Variants in ZMAT4 observed in about 807,000 individuals in gnomAD.
The protein encoded by ZMAT4 is zinc finger matrin-type protein 4.
Under a neutral mutation model 28.7 loss-of-function variants are expected in ZMAT4, and 17 were observed. The observed-to-expected ratio is 0.59, with a 90% CI of 0.41 to 0.89. The LOEUF (loss-of-function observed/expected upper bound fraction) is 0.89. Ranked by LOEUF, ZMAT4 falls within the 40% of genes least tolerant of loss-of-function variation. ZMAT4 has a pLI of 0.00. For synonymous variants in ZMAT4, 117 were observed against 109.2 expected, an observed-to-expected ratio of 1.07 and a Z score of -0.44; for missense variants, 240 against 283.8, an observed-to-expected ratio of 0.85 and a Z score of 1.11.
chr8:40,725,022 T>G (rs1248619251), intron 3 of ZMAT4, among the ~76,000 whole-genome samples: 1 of 152,210 alleles, frequency 6.6e-6, no homozygotes, highest in Non-Finnish European at 1.5e-5. Context: ...AAATTATGAC[T>G]CCTTTTCCAT....
At chr8:40,674,330 G>C (rs1227556282) in intron 5 of ZMAT4, 1 of 182,454 alleles carries the variant, frequency 5.5e-6, no homozygotes, top group African/African-American at 2.4e-5. Flanking sequence ...CTGACCTCAG[G>C]CAATCTGCCC....
intron 4 of ZMAT4, among the ~76,000 whole-genome samples, chr8:40,685,642 G>A (rs1196730399): frequency 6.6e-6 from 1 of 152,000 alleles, no homozygotes; most frequent in Non-Finnish European, 1.5e-5. Context: ...TTAATAGCCA[G>A]TGAGGATGTA....
intron 5 of ZMAT4, among the ~76,000 whole-genome samples, chr8:40,585,853 A>T (rs1476686695): frequency 1.3e-5 from 2 of 152,180 alleles, no homozygotes; most frequent in Admixed American, 6.5e-5. Flanking sequence ...TACTATTTAT[A>T]TGGGTCTTCT....
At chr8:40,692,037 A>C (rs985264037) in intron 4 of ZMAT4, among the ~76,000 whole-genome samples, 4 of 152,220 alleles carry the variant, frequency 2.6e-5, no homozygotes, top group African/African-American at 9.6e-5. Flanking sequence ...AAGGTAACTA[A>C]ATTTGAAAAT....
chr8:40,849,876 C>A (rs906722253), intron 1 of ZMAT4, among the ~76,000 whole-genome samples: 1 of 152,146 alleles, frequency 6.6e-6, no homozygotes, highest in South Asian at 2.1e-4. Context: ...AGAGTTCAAC[C>A]AAATGCCATC....
intron 5 of ZMAT4, among the ~76,000 whole-genome samples, chr8:40,649,190 C>A (rs1807506597): frequency 6.6e-6 from 1 of 152,076 alleles, no homozygotes; most frequent in Non-Finnish European, 1.5e-5. Flanking sequence ...AACTCACGTG[C>A]AGAGACACAC....
intron 1 of ZMAT4, among the ~76,000 whole-genome samples, chr8:40,895,597 A>T (rs1253022486): frequency 6.6e-6 from 1 of 152,150 alleles, no homozygotes; most frequent in African/African-American, 2.4e-5. Context: ...AGCGTGTCCC[A>T]CTTGTACTTT....
chr8:40,659,784 T>A (rs911102328), intron 5 of ZMAT4, among the ~76,000 whole-genome samples: 4 of 152,108 alleles, frequency 2.6e-5, no homozygotes, highest in Non-Finnish European at 4.4e-5. Flanking sequence ...ATGAAGCAAC[T>A]CATCAAGGTC....
intron 5 of ZMAT4, among the ~76,000 whole-genome samples, chr8:40,637,106 A>AC (rs34781990): frequency 2.0e-5 from 3 of 150,984 alleles, no homozygotes; most frequent in Non-Finnish European, 3.0e-5. Flanking sequence ...AAAAAAAAAA[A>AC]CTCTGTGATT....
At chr8:40,755,584 C>T (rs550840812) in intron 3 of ZMAT4, among the ~76,000 whole-genome samples, 2 of 152,224 alleles carry the variant, frequency 1.3e-5, no homozygotes, top group South Asian at 4.1e-4. Flanking sequence ...TCCCGGGAAG[C>T]TGGGACTACA....
intron 1 of ZMAT4, among the ~76,000 whole-genome samples, chr8:40,864,557 G>A (rs1817612654): frequency 6.6e-6 from 1 of 152,158 alleles, no homozygotes; most frequent in African/African-American, 2.4e-5. Flanking sequence ...CATACCCTGT[G>A]TGGCCTGGGT....
chr8:40,593,639 G>T (rs1320679548), intron 5 of ZMAT4, among the ~76,000 whole-genome samples: 1 of 152,174 alleles, frequency 6.6e-6, no homozygotes, highest in Non-Finnish European at 1.5e-5. Context: ...GCCAATGAAA[G>T]GGCCCAGGGA....
chr8:40,589,402 C>T (rs1804777008), intron 5 of ZMAT4, among the ~76,000 whole-genome samples: 1 of 152,140 alleles, frequency 6.6e-6, no homozygotes, highest in Admixed American at 6.5e-5. Flanking sequence ...GTATGAAAAG[C>T]TCTTTCAATA....
chr8:40,722,118 G>A (rs975916149), intron 3 of ZMAT4, among the ~76,000 whole-genome samples: 5 of 151,916 alleles, frequency 3.3e-5, no homozygotes, highest in Admixed American at 6.6e-5. Flanking sequence ...GCATGGGCAA[G>A]GACTTCATGT....
intron 5 of ZMAT4, among the ~76,000 whole-genome samples, chr8:40,596,277 CTG>C (rs1245136780): frequency 6.6e-6 from 1 of 152,164 alleles, no homozygotes; most frequent in African/African-American, 2.4e-5. Context: ...TTTATAAACA[CTG>C]TACGCTTAGG....
intron 5 of ZMAT4, among the ~76,000 whole-genome samples, chr8:40,615,698 C>G (rs533443559): frequency 1.3e-5 from 2 of 152,286 alleles, no homozygotes; most frequent in South Asian, 4.1e-4. Flanking sequence ...CACTGATACC[C>G]TTTCTTCCAG....
chr8:40,786,216 T>G (rs184198116), intron 2 of ZMAT4, among the ~76,000 whole-genome samples: 7 of 152,210 alleles, frequency 4.6e-5, no homozygotes, highest in Non-Finnish European at 7.3e-5. Context: ...TCAATCCAAT[T>G]TCTGGTATTT....
intron 3 of ZMAT4, among the ~76,000 whole-genome samples, chr8:40,704,315 A>G (rs1007775106): frequency 6.6e-6 from 1 of 152,158 alleles, no homozygotes; most frequent in African/African-American, 2.4e-5. Context: ...GGTCCTGGGT[A>G]ACGTTATCTC....
chr8:40,608,796 T>A (rs944715671), intron 5 of ZMAT4, among the ~76,000 whole-genome samples: 1 of 152,146 alleles, frequency 6.6e-6, no homozygotes, highest in Non-Finnish European at 1.5e-5. Context: ...CACTCGGCTC[T>A]CTCAATTTGT....
Sources: gnomAD v4.1 joint callset for allele counts (sites outside exome capture counted in the v4.1 genomes callset) on GRCh38, gnomAD v4.1.1 for gene constraint, MANE v1.5 for transcripts, NCBI Gene and HGNC (gene_info 2026-07-23, HGNC 2026-07-21) for gene names.